RANBP2: variants seen among roughly 807,000 people sequenced by gnomAD.
RANBP2 encodes RAN binding protein 2.
In RANBP2, 57 loss-of-function variants were observed where a neutral mutation model predicts 303.6. That is an observed-to-expected ratio of 0.19 (90% CI 0.15 to 0.23). The LOEUF (loss-of-function observed/expected upper bound fraction) is 0.23, where lower values mean the gene tolerates loss of function less well. Ranked by LOEUF, RANBP2 falls within the 10% of genes least tolerant of loss-of-function variation. The pLI is 1.00. For synonymous variants in RANBP2, 1,167 were observed against 1,301.5 expected (o/e 0.90, Z 2.23); for missense variants, 3,138 against 3,780.8 (o/e 0.83, Z 4.46).
At chr2:109,655,458 TGAA>T in the RANBP2 span, among the ~76,000 whole-genome samples, 1 of 152,066 alleles carries the variant, frequency 6.6e-6, no homozygotes, top group African/African-American at 2.4e-5. Context: ...GATGAGCTGA[TGAA>T]GAAGCAGAGG....
the RANBP2 span, among the ~76,000 whole-genome samples, chr2:109,085,560 C>T: frequency 6.6e-6 from 1 of 151,288 alleles, no homozygotes; most frequent in Non-Finnish European, 1.5e-5. Flanking sequence ...GCCTCAGCCT[C>T]CCAAAGTGCT....
the RANBP2 span, among the ~76,000 whole-genome samples, chr2:109,091,646 A>C: frequency 6.6e-6 from 1 of 152,178 alleles, no homozygotes; most frequent in East Asian, 1.9e-4. Flanking sequence ...CTACCTGCCC[A>C]TGGTTTGGTA....
chr2:108,977,138 C>T, the RANBP2 span, among the ~76,000 whole-genome samples: 259 of 152,250 alleles, frequency 1.7e-3, no homozygotes, highest in Middle Eastern at 6.8e-3. Flanking sequence ...CTGGCCCGGG[C>T]CTGGGTTTTC....
chr2:109,684,532 C>T, the RANBP2 span, among the ~76,000 whole-genome samples: 1 of 131,108 alleles, frequency 7.6e-6, no homozygotes, highest in African/African-American at 2.7e-5. Flanking sequence ...AGCCACTGCA[C>T]CCGGGCTTTT....
chr2:109,737,442 G>T, the RANBP2 span: 30 of 649,302 alleles, frequency 4.6e-5, no homozygotes, highest in Middle Eastern at 2.2e-3. Flanking sequence ...CTTCTATGGG[G>T]TGGGTGCAAC....
the RANBP2 span, among the ~76,000 whole-genome samples, chr2:109,422,514 AG>A: frequency 2.6e-5 from 4 of 152,216 alleles, no homozygotes; most frequent in African/African-American, 9.7e-5. Context: ...CGGAAACACA[AG>A]AAGGGTCTCA....
the RANBP2 span, among the ~76,000 whole-genome samples, chr2:109,409,198 T>G: frequency 6.6e-6 from 1 of 152,230 alleles, no homozygotes; most frequent in African/African-American, 2.4e-5. Flanking sequence ...ATCACAACTT[T>G]CACTTTTTGG....
chr2:109,013,011 C>T, the RANBP2 span, among the ~76,000 whole-genome samples: 1 of 152,196 alleles, frequency 6.6e-6, no homozygotes, highest in Non-Finnish European at 1.5e-5. Flanking sequence ...CTTTAAAGGG[C>T]CGAGTAGGGC....
At chr2:109,134,089 C>G in the RANBP2 span, among the ~76,000 whole-genome samples, 1 of 152,194 alleles carries the variant, frequency 6.6e-6, no homozygotes, top group Non-Finnish European at 1.5e-5. Flanking sequence ...TGAACATTTA[C>G]TGAGTGCCTG....
At chr2:109,291,535 A>G in the RANBP2 span, among the ~76,000 whole-genome samples, 1 of 152,178 alleles carries the variant, frequency 6.6e-6, no homozygotes, top group African/African-American at 2.4e-5. Context: ...TGCACATGCC[A>G]TGTCTGCAGC....
the RANBP2 span, among the ~76,000 whole-genome samples, chr2:109,210,437 A>T: frequency 5.3e-5 from 8 of 152,222 alleles, no homozygotes; most frequent in Non-Finnish European, 7.3e-5. Context: ...GTGAGGCTAC[A>T]TGTTGTTTTC....
chr2:109,303,520 A>T, the RANBP2 span, among the ~76,000 whole-genome samples: 1 of 152,140 alleles, frequency 6.6e-6, no homozygotes, highest in Non-Finnish European at 1.5e-5. Flanking sequence ...CAGTAAGGTG[A>T]CCCTGCAATG....
chr2:108,926,150 T>A, the RANBP2 span, among the ~76,000 whole-genome samples: 6 of 152,180 alleles, frequency 3.9e-5, no homozygotes, highest in African/African-American at 1.4e-4. Context: ...AAAGAACATG[T>A]GGCTGTCTTT....
At chr2:109,445,252 A>T in the RANBP2 span, among the ~76,000 whole-genome samples, 1 of 152,240 alleles carries the variant, frequency 6.6e-6, no homozygotes, top group Non-Finnish European at 1.5e-5. Flanking sequence ...AAGAGATGGG[A>T]CAGAGAGAAG....
At chr2:108,758,185 T>C (rs1357443994) in intron 17 of RANBP2, among the ~76,000 whole-genome samples, 1 of 151,566 alleles carries the variant, frequency 6.6e-6, no homozygotes, top group Non-Finnish European at 1.5e-5. Context: ...TAATCCGAGC[T>C]ACTCAGGGCG....
At chr2:109,383,028 C>T in the RANBP2 span, among the ~76,000 whole-genome samples, 2 of 152,208 alleles carry the variant, frequency 1.3e-5, no homozygotes, top group Non-Finnish European at 2.9e-5. Context: ...TAGGAAGTAC[C>T]ATCCACATTT....
the RANBP2 span, among the ~76,000 whole-genome samples, chr2:109,335,673 C>A: frequency 6.6e-6 from 1 of 152,182 alleles, no homozygotes; most frequent in African/African-American, 2.4e-5. Context: ...GGAACATAAA[C>A]TCCACCCGGG....
At chr2:109,297,688 A>G in the RANBP2 span, among the ~76,000 whole-genome samples, 2 of 147,048 alleles carry the variant, frequency 1.4e-5, no homozygotes, top group Admixed American at 6.7e-5. Flanking sequence ...CACTGGGCCA[A>G]TGCCCCCCAT....
the RANBP2 span, among the ~76,000 whole-genome samples, chr2:109,267,564 C>T: frequency 6.6e-6 from 1 of 152,188 alleles, no homozygotes; most frequent in African/African-American, 2.4e-5. Context: ...ATCAAGTTTG[C>T]TTCCTAATGA....
Sources: gnomAD v4.1 joint callset for allele counts (sites outside exome capture counted in the v4.1 genomes callset) on GRCh38, gnomAD v4.1.1 for gene constraint, MANE v1.5 for transcripts, NCBI Gene and HGNC (gene_info 2026-07-23, HGNC 2026-07-21) for gene names.